The following TMEM38B variants were observed in gnomAD, a reference collection of about 807,000 sequenced individuals.
TMEM38B encodes transmembrane protein 38B, also known as trimeric intracellular cation channel type B.
In TMEM38B, 24 loss-of-function variants were observed where a neutral mutation model predicts 28.7. That is an observed-to-expected ratio of 0.84 (90% CI 0.61 to 1.18). The LOEUF is 1.18. Among genes scored for constraint, TMEM38B ranks in the 50% most tolerant of loss-of-function variants. The pLI, the probability that TMEM38B is intolerant of heterozygous loss-of-function variation, is 0.00. For synonymous variants in TMEM38B, 131 were observed against 127.7 expected (o/e 1.03, Z -0.17); for missense variants, 380 against 350.9 (o/e 1.08, Z -0.66).
chr9:105,694,807 A>C (rs773651451), intron 1 of TMEM38B, 35 bp downstream of exon 1: 1 of 1,159,794 alleles, frequency 8.6e-7, no homozygotes, highest in South Asian at 1.2e-5. Context: ...GACCCCTCAG[A>C]GTGCTCCTGA....
At position 105,710,698 on chromosome 9, in the gene TMEM38B, C is replaced by T. The variant is rs561224960; in HGVS notation, c.269+4945C>T. The T allele has an allele frequency of 9.6e-5, 64 of 669,574 alleles. 1 individual carries two copies. Among genetic ancestry groups the T allele is most frequent in the South Asian group, 8.3e-4 (60 of 72,570 alleles). The allele number at this position is 669,574 out of a possible 1,614,324, so 41.5% of individuals were successfully genotyped here. On this transcript the variant is annotated intron_variant, in intron 2 of 5. Transcript: ENST00000374692. ...TATAGGATCATAACGACCAAATTCA[C>T]ACCGTAAATCTTCAGACCTGGTGTC...
chr9:105,757,188 A>T (rs1837863600), intron 5 of TMEM38B, among the ~76,000 whole-genome samples: 1 of 152,214 alleles, frequency 6.6e-6, no homozygotes, highest in African/African-American at 2.4e-5. Context: ...CTTCACTTAG[A>T]ATAATGGTCT....
intron 5 of TMEM38B, among the ~76,000 whole-genome samples, chr9:105,761,668 T>A (rs1838057348): frequency 6.6e-6 from 1 of 152,126 alleles, no homozygotes; most frequent in African/African-American, 2.4e-5. Context: ...ATGGAACAGG[T>A]CTCTAAGCTA....
At chr9:105,765,407 T>C (rs1358422988) in intron 5 of TMEM38B, among the ~76,000 whole-genome samples, 1 of 152,208 alleles carries the variant, frequency 6.6e-6, no homozygotes, top group Non-Finnish European at 1.5e-5. Flanking sequence ...TTGATGAGTT[T>C]TGACAAATTT....
chr9:105,751,576 C>T (rs1253444249), intron 5 of TMEM38B, among the ~76,000 whole-genome samples: 1 of 152,202 alleles, frequency 6.6e-6, no homozygotes, highest in African/African-American at 2.4e-5. Flanking sequence ...TCCAGGGAAC[C>T]AAGCAGCATT....
chr9:105,716,642 C>T (rs1429656378), intron 2 of TMEM38B, among the ~76,000 whole-genome samples: 1 of 104,308 alleles, frequency 9.6e-6, no homozygotes, highest in Non-Finnish European at 1.8e-5. Flanking sequence ...TGTGAATCCA[C>T]TTATGTGCAG....
In TMEM38B at chr9:105,711,371, G is replaced by A. The variant is rs143677204; in HGVS notation, c.269+5618G>A. On this transcript the variant is annotated intron_variant, in intron 2 of 5. Transcript: ENST00000374692. ...CAGGAGAACAGCTTGAACCTGGGAG[G>A]TGGGGGTTGCAGTGAACCGAGATCG... is the stretch of plus-strand genomic sequence containing the variant. Among the ~76,000 whole-genome samples the A allele has an allele frequency of 8.7e-4, 132 of 151,994 alleles. 3 individuals are homozygous for A. In the East Asian group the frequency reaches 0.022, roughly 25 times the overall value.
intron 4 of TMEM38B, among the ~76,000 whole-genome samples, chr9:105,746,390 G>T (rs1837393182): frequency 6.6e-6 from 1 of 152,154 alleles, no homozygotes; most frequent in South Asian, 2.1e-4. Flanking sequence ...TCTGTTATTG[G>T]TGTATAAGAA....
At chr9:105,722,186 G>C (rs957366771) in intron 3 of TMEM38B, among the ~76,000 whole-genome samples, 1 of 152,022 alleles carries the variant, frequency 6.6e-6, no homozygotes, top group African/African-American at 2.4e-5. Flanking sequence ...TGTAGGAATT[G>C]AACAAATCTC....
In TMEM38B at chr9:105,721,693, A is replaced by C. The variant is rs747596487; in HGVS notation, c.426A>C (p.Ile142=). 8 of 1,612,896 alleles carry C rather than the reference A, an allele frequency of 5.0e-6. No individual in the cohort carries two copies. The East Asian group carries it at 1.8e-4, about 36-fold the overall frequency. Residue 142 remains isoleucine (I), a synonymous_variant, in exon 3 of 6, where the codon ATA becomes ATC. Coordinates refer to ENST00000374692, the MANE Select transcript of TMEM38B (RefSeq NM_018112.3). ...ATAGCTATTACAAAAATGGCTGGAT[A>C]GTCATGATAGCTATTGGATGGGCCC... ...HANSYYKNGW[I]VMIAIGWARG...
At chr9:105,701,694 G>A (rs1835465024) in intron 1 of TMEM38B, 1 of 152,190 alleles carries the variant, frequency 6.6e-6, no homozygotes, top group African/African-American at 2.4e-5. Context: ...CTTTGGTTGT[G>A]GCACCAATTT....
chr9:105,694,575 C>A lies in TMEM38B; in HGVS notation c.-86C>A. The A allele has an allele frequency of 2.0e-6, 2 of 1,019,236 alleles. No homozygotes were observed. The highest frequency in any genetic ancestry group is 2.9e-5 in the East Asian group (1 of 34,368). The allele number at this position is 1,019,236 out of a possible 1,614,324, so 63.1% of individuals were successfully genotyped here. A position where few individuals can be genotyped will look rare whatever the true frequency, so the allele number is the denominator to read the frequency against. ...GCCGGCGCGGAGGAGCGGGCGGCCG[C>A]GGCTGTGCCCTCTCCTACTCCTCAC... On this transcript the variant is annotated 5_prime_UTR_variant, in exon 1 of 6. Transcript: ENST00000374692.
chr9:105,729,831 C>A (rs1435211327), intron 4 of TMEM38B, among the ~76,000 whole-genome samples: 2 of 151,890 alleles, frequency 1.3e-5, no homozygotes, highest in African/African-American at 2.4e-5. Context: ...GTATTTTATT[C>A]TCTTTGTAGT....
At chr9:105,747,985 A>T (rs948194006) in intron 4 of TMEM38B, 88 bp from the exon 5 acceptor site, 8 of 829,806 alleles carry the variant, frequency 9.6e-6, no homozygotes, top group Non-Finnish European at 1.6e-5. Context: ...ATAACCCATT[A>T]AGTTAATGTT....
intron 5 of TMEM38B, among the ~76,000 whole-genome samples, chr9:105,751,501 C>G (rs1236123205): frequency 6.6e-6 from 1 of 152,210 alleles, no homozygotes; most frequent in African/African-American, 2.4e-5. Flanking sequence ...TTTATATACT[C>G]TGGCCCTGGA....
chr9:105,724,821 C>G (rs1293601696), intron 4 of TMEM38B, among the ~76,000 whole-genome samples: 1 of 152,106 alleles, frequency 6.6e-6, no homozygotes, highest in African/African-American at 2.4e-5. Flanking sequence ...GGAGATTTTT[C>G]TCATTTTGAG....
chr9:105,759,993 A>C, intron 5 of TMEM38B: 1 of 1,504,148 alleles, frequency 6.6e-7, no homozygotes, highest in Non-Finnish European at 9.2e-7. Context: ...CTAGTGCTGC[A>C]ATCAATAAAA....
chr9:105,741,535 G>A (rs556864623), intron 4 of TMEM38B, among the ~76,000 whole-genome samples: 1 of 152,302 alleles, frequency 6.6e-6, no homozygotes, highest in African/African-American at 2.4e-5. Flanking sequence ...AAGGAAATAA[G>A]GAACATGATA....
At chr9:105,763,475 A>T (rs1257321744) in intron 5 of TMEM38B, among the ~76,000 whole-genome samples, 1 of 152,184 alleles carries the variant, frequency 6.6e-6, no homozygotes, top group East Asian at 1.9e-4. Flanking sequence ...TAAACTAGAA[A>T]ATCTAGAAGA....
Sources: allele counts gnomAD v4.1 joint callset (sites outside exome capture counted in the v4.1 genomes callset), GRCh38; gene constraint gnomAD v4.1.1; transcripts MANE v1.5; gene names NCBI Gene and HGNC (gene_info 2026-07-23, HGNC 2026-07-21).